VPS37A: variants seen among roughly 807,000 people sequenced by gnomAD.
VPS37A encodes the protein vacuolar protein sorting-associated protein 37A.
VPS37A carries 30 observed loss-of-function variants against 49.8 expected under a neutral mutation model. The observed-to-expected ratio is 0.60, with a 90% confidence interval of 0.45 to 0.82. The LOEUF (loss-of-function observed/expected upper bound fraction) is 0.82. Ranked by LOEUF, VPS37A falls within the 40% of genes least tolerant of loss-of-function variation. VPS37A has a pLI of 0.00. For missense variants in VPS37A, 593 were observed against 464.4 expected (o/e 1.28, Z -2.55); for synonymous variants, 195 against 160.6 (o/e 1.21, Z -1.62).
At chr8:17,279,686 T>C in intron 6 of VPS37A, 1 of 406,898 alleles carries the variant, frequency 2.5e-6, no homozygotes, top group Non-Finnish European at 4.8e-6. Context: ...ACATTGTTCT[T>C]TACCTGAGTT....
the VPS37A span, among the ~76,000 whole-genome samples, chr8:17,320,950 A>G: frequency 6.6e-6 from 1 of 152,120 alleles, no homozygotes; most frequent in African/African-American, 2.4e-5. Context: ...AAGTCTCAGG[A>G]TGCAATTGAT....
downstream of VPS37A, chr8:17,300,065 G>C (rs1817010062): frequency 6.2e-7 from 1 of 1,614,138 alleles, no homozygotes; most frequent in Non-Finnish European, 8.5e-7. Flanking sequence ...CCTTGTGAAG[G>C]GCTCCGGGAT....
At chr8:17,274,145 G>A (rs1351078805) in intron 4 of VPS37A, among the ~76,000 whole-genome samples, 1 of 152,156 alleles carries the variant, frequency 6.6e-6, no homozygotes, top group Non-Finnish European at 1.5e-5. Flanking sequence ...AATAAATACT[G>A]ACTATATTGT....
At chr8:17,323,999 C>A in the VPS37A span, among the ~76,000 whole-genome samples, 358 of 152,302 alleles carry the variant, frequency 2.4e-3, no homozygotes, top group Non-Finnish European at 3.7e-3. Flanking sequence ...AATATAACTA[C>A]TATTCTCTCA....
intron 3 of VPS37A, 82 bp downstream of exon 3, chr8:17,268,454 C>T: frequency 1.9e-6 from 2 of 1,047,086 alleles, no homozygotes; most frequent in Non-Finnish European, 1.4e-6. Flanking sequence ...ATCTGAAATG[C>T]ATTTAAAGTT....
At position 17,279,088 on chromosome 8, in the gene VPS37A, A is replaced by G. The variant is rs117877197; in HGVS notation, c.714-940A>G. 4.4e-3 allele frequency among the ~76,000 whole-genome samples: 667 copies of G among 152,258 alleles called. 4 individuals are homozygous for G. The highest frequency in any genetic ancestry group is 0.01 in the Middle Eastern group (3 of 294). The stretch of plus-strand genomic sequence containing the variant: ...CACATATACATAAACACACATAAAC[A>G]TATCTATAACTCTTACTGTGACAGC... On this transcript the variant is annotated intron_variant, in intron 6 of 11. Transcript: ENST00000324849.
chr8:17,307,506 T>C, the VPS37A span, among the ~76,000 whole-genome samples: 2 of 152,128 alleles, frequency 1.3e-5, no homozygotes, highest in Non-Finnish European at 2.9e-5. Context: ...GAACTAGAAA[T>C]ACCATTTGAC....
At chr8:17,305,894 A>G (rs956709877), downstream of VPS37A, 2 of 1,613,688 alleles carry the variant, frequency 1.2e-6, no homozygotes, top group Non-Finnish European at 1.7e-6. Context: ...ACTGCCAAAC[A>G]CACTCAATGA....
intron 11 of VPS37A, among the ~76,000 whole-genome samples, chr8:17,293,717 A>G (rs1816353809): frequency 6.6e-6 from 1 of 152,180 alleles, no homozygotes; most frequent in African/African-American, 2.4e-5. Context: ...CCTCTTCTGC[A>G]GGTCTGCTGG....
chr8:17,303,513 C>G (rs538814671), downstream of VPS37A, among the ~76,000 whole-genome samples: 16 of 152,062 alleles, frequency 1.1e-4, no homozygotes, highest in East Asian at 2.1e-3. Context: ...ACAAGCCTAA[C>G]AAGGAAGCCA....
At chr8:17,262,515 T>G (rs73200931) in intron 1 of VPS37A, among the ~76,000 whole-genome samples, 12,708 of 152,142 alleles carry the variant, frequency 0.084, 660 homozygotes, top group South Asian at 0.2. Context: ...ATGAAATTAT[T>G]AATTTGCAGG....
downstream of VPS37A, among the ~76,000 whole-genome samples, chr8:17,303,440 G>A (rs900742966): frequency 1.3e-5 from 2 of 152,100 alleles, no homozygotes; most frequent in Non-Finnish European, 2.9e-5. Flanking sequence ...GAAAGAGATG[G>A]GGTTTCTGTT....
downstream of VPS37A, chr8:17,299,756 C>G: frequency 1.4e-6 from 2 of 1,479,622 alleles, no homozygotes; most frequent in South Asian, 1.3e-5. Context: ...TAAAGTAGTT[C>G]TCAATGACAT....
intron 5 of VPS37A, among the ~76,000 whole-genome samples, chr8:17,275,662 A>G (rs944039381): frequency 6.6e-6 from 1 of 152,198 alleles, no homozygotes; most frequent in Non-Finnish European, 1.5e-5. Flanking sequence ...GCTATGTGGA[A>G]TGTTCCTGAA....
At chr8:17,286,470 G>T (rs1210453558) in intron 11 of VPS37A, 43 bp downstream of exon 11, 4 of 1,561,526 alleles carry the variant, frequency 2.6e-6, no homozygotes, top group East Asian at 2.3e-5. Context: ...GATTGCATCA[G>T]TGTTCTTTAA....
chr8:17,310,076 C>G, the VPS37A span, among the ~76,000 whole-genome samples: 1 of 152,176 alleles, frequency 6.6e-6, no homozygotes, highest in Non-Finnish European at 1.5e-5. Context: ...TCATGGCTCA[C>G]TACACCCTTG....
chr8:17,274,416 G>A (rs1013796099), intron 4 of VPS37A, among the ~76,000 whole-genome samples: 9 of 152,096 alleles, frequency 5.9e-5, no homozygotes, highest in Non-Finnish European at 1.2e-4. Flanking sequence ...ATTGATAGCA[G>A]TGGAGTGCTG....
chr8:17,313,634 G>C, the VPS37A span, among the ~76,000 whole-genome samples: 1 of 152,094 alleles, frequency 6.6e-6, no homozygotes, highest in Non-Finnish European at 1.5e-5. Context: ...TTGTTTACAA[G>C]TATTATATAT....
chr8:17,307,530 T>A, the VPS37A span, among the ~76,000 whole-genome samples: 1 of 152,150 alleles, frequency 6.6e-6, no homozygotes, highest in Non-Finnish European at 1.5e-5. Context: ...GCCATCCCAT[T>A]ACTGGGTATA....
Sources: allele counts gnomAD v4.1 joint callset (sites outside exome capture counted in the v4.1 genomes callset), GRCh38; gene constraint gnomAD v4.1.1; transcripts MANE v1.5; gene names NCBI Gene and HGNC (gene_info 2026-07-23, HGNC 2026-07-21).